The following LRRC4C variants were observed in gnomAD, a reference collection of about 807,000 sequenced individuals.
LRRC4C encodes leucine-rich repeat-containing protein 4C.
Under a neutral mutation model 33.6 loss-of-function variants are expected in LRRC4C, and 5 were observed. The ratio of observed to expected loss-of-function variants is 0.15; its 90% confidence interval spans 0.08 to 0.31. The LOEUF (loss-of-function observed/expected upper bound fraction) is 0.31. LRRC4C is among the 10% of genes least tolerant of loss of function. LRRC4C has a pLI of 1.00. For missense variants in LRRC4C, 560 were observed against 796.7 expected, an observed-to-expected ratio of 0.70 and a Z score of 3.58; for synonymous variants, 329 against 302.0, an observed-to-expected ratio of 1.09 and a Z score of -0.93.
intron 1 of LRRC4C, among the ~76,000 whole-genome samples, chr11:41,407,301 CTTTTT>C (rs552180859): frequency 1.5e-5 from 2 of 133,300 alleles, no homozygotes; most frequent in Non-Finnish European, 1.6e-5. Context: ...TGAATTTTTC[CTTTTT>C]TTTTTTTTTT....
At chr11:41,009,403 G>A (rs561969658) in intron 1 of LRRC4C, among the ~76,000 whole-genome samples, 172 of 152,132 alleles carry the variant, frequency 1.1e-3, no homozygotes, top group Non-Finnish European at 2.0e-3. Flanking sequence ...GACTGACAGC[G>A]AATGAAGCAA....
chr11:40,567,353 C>T (rs578031728), intron 3 of LRRC4C, among the ~76,000 whole-genome samples: 1 of 152,068 alleles, frequency 6.6e-6, no homozygotes, highest in Non-Finnish European at 1.5e-5. Flanking sequence ...GCAATGCAAG[C>T]CAGGCAAAGA....
intron 5 of LRRC4C, among the ~76,000 whole-genome samples, chr11:40,179,914 T>C (rs1860844146): frequency 6.6e-6 from 1 of 152,218 alleles, no homozygotes; most frequent in African/African-American, 2.4e-5. Flanking sequence ...TGTACGTGTG[T>C]GTGTGTCCAA....
At chr11:40,651,278 C>G (rs1186841450) in intron 2 of LRRC4C, among the ~76,000 whole-genome samples, 1 of 151,906 alleles carries the variant, frequency 6.6e-6, no homozygotes, top group African/African-American at 2.4e-5. Flanking sequence ...AGTGTCTTAA[C>G]ACGTTCATCA....
At chr11:40,988,654 G>C (rs1029472517) in intron 1 of LRRC4C, among the ~76,000 whole-genome samples, 3 of 151,176 alleles carry the variant, frequency 2.0e-5, no homozygotes, top group Non-Finnish European at 2.9e-5. Context: ...GCCTACTCAG[G>C]ATTCAAGTAC....
intron 1 of LRRC4C, among the ~76,000 whole-genome samples, chr11:41,005,872 T>C (rs183945932): frequency 8.5e-5 from 13 of 152,312 alleles, no homozygotes; most frequent in Admixed American, 3.9e-4. Context: ...ATACATTTCC[T>C]AGTGTGAGAG....
At chr11:40,284,416 G>A (rs916837593) in intron 4 of LRRC4C, among the ~76,000 whole-genome samples, 2 of 152,212 alleles carry the variant, frequency 1.3e-5, no homozygotes, top group Non-Finnish European at 2.9e-5. Flanking sequence ...GATATATCTA[G>A]AGGAAGAACG....
At chr11:41,173,889 G>A (rs1031759885) in intron 1 of LRRC4C, among the ~76,000 whole-genome samples, 2 of 152,018 alleles carry the variant, frequency 1.3e-5, no homozygotes, top group South Asian at 4.1e-4. Flanking sequence ...ATAAATATAA[G>A]CAAATAACAA....
intron 6 of LRRC4C, among the ~76,000 whole-genome samples, chr11:40,121,163 A>T (rs112434440): frequency 0.011 from 1,638 of 152,340 alleles, 42 homozygotes; most frequent in African/African-American, 0.038. Flanking sequence ...ACATACTATC[A>T]GTAAAACACA....
chr11:40,282,138 C>G (rs904605174), intron 4 of LRRC4C, among the ~76,000 whole-genome samples: 11 of 152,044 alleles, frequency 7.2e-5, no homozygotes, highest in Admixed American at 4.6e-4. Flanking sequence ...CACCTGAAGA[C>G]GGGAGTTTGA....
chr11:40,477,728 T>A (rs988141009), intron 3 of LRRC4C, among the ~76,000 whole-genome samples: 1 of 152,186 alleles, frequency 6.6e-6, no homozygotes, highest in Non-Finnish European at 1.5e-5. Context: ...CAGCCACCTT[T>A]TCAGTACAAT....
intron 1 of LRRC4C, among the ~76,000 whole-genome samples, chr11:41,112,883 CAT>C (rs1210507509): frequency 6.6e-6 from 1 of 151,962 alleles, no homozygotes; most frequent in Admixed American, 6.6e-5. Context: ...CAACAAAAAA[CAT>C]ATATGAGTAG....
intron 1 of LRRC4C, among the ~76,000 whole-genome samples, chr11:41,123,552 G>A (rs1375078252): frequency 6.6e-6 from 1 of 151,818 alleles, no homozygotes; most frequent in Non-Finnish European, 1.5e-5. Flanking sequence ...GATTACAGGC[G>A]TGAGCCACCG....
At chr11:40,828,275 T>C (rs1952253223) in intron 2 of LRRC4C, among the ~76,000 whole-genome samples, 1 of 151,660 alleles carries the variant, frequency 6.6e-6, no homozygotes, top group Non-Finnish European at 1.5e-5. Flanking sequence ...GCTTTGACTA[T>C]TTGAATTATA....
chr11:41,052,966 T>A (rs532345186), intron 1 of LRRC4C, among the ~76,000 whole-genome samples: 1 of 152,300 alleles, frequency 6.6e-6, no homozygotes, highest in East Asian at 1.9e-4. Context: ...CAGGAACCAC[T>A]GGAAATACAC....
intron 3 of LRRC4C, among the ~76,000 whole-genome samples, chr11:40,431,108 A>AT (rs1555056633): frequency 0.085 from 95 of 1,120 alleles, 1 homozygote; most frequent in Admixed American, 0.27. Flanking sequence ...AAAAAAAAAA[A>AT]AAAAAAATAA....
intron 1 of LRRC4C, among the ~76,000 whole-genome samples, chr11:41,228,677 G>A (rs887998671): frequency 6.6e-6 from 1 of 152,096 alleles, no homozygotes; most frequent in Non-Finnish European, 1.5e-5. Context: ...TAACAAACTA[G>A]TGTATGATTC....
At chr11:41,375,670 T>C (rs1053055846) in intron 1 of LRRC4C, among the ~76,000 whole-genome samples, 1 of 152,128 alleles carries the variant, frequency 6.6e-6, no homozygotes, top group Non-Finnish European at 1.5e-5. Context: ...AGAGCCAAAC[T>C]GGGATATCAC....
At chr11:40,945,886 C>G (rs1347591577) in intron 1 of LRRC4C, among the ~76,000 whole-genome samples, 1 of 152,128 alleles carries the variant, frequency 6.6e-6, no homozygotes. Flanking sequence ...ATATGAGTTT[C>G]AAAAATTCAA....
Sources: gnomAD v4.1 joint callset for allele counts (sites outside exome capture counted in the v4.1 genomes callset) on GRCh38, gnomAD v4.1.1 for gene constraint, MANE v1.5 for transcripts, NCBI Gene and HGNC (gene_info 2026-07-23, HGNC 2026-07-21) for gene names.